CNTN5: variants seen among roughly 807,000 people sequenced by gnomAD.
CNTN5 encodes the protein contactin-5.
Under a neutral mutation model 129.1 loss-of-function variants are expected in CNTN5, and 77 were observed. The observed-to-expected ratio is 0.60, with a 90% CI of 0.50 to 0.72. The LOEUF is 0.72. Ranked by LOEUF, CNTN5 falls within the 30% of genes least tolerant of loss-of-function variation. The pLI, the probability that CNTN5 is intolerant of heterozygous loss-of-function variation, is 0.00. For missense variants in CNTN5, 1,478 were observed against 1,328.8 expected (o/e 1.11, Z -1.75); for synonymous variants, 509 against 465.6 (o/e 1.09, Z -1.20).
chr11:100,344,158 G>T (rs942522032), intron 23 of CNTN5, among the ~76,000 whole-genome samples: 1 of 152,050 alleles, frequency 6.6e-6, no homozygotes, highest in African/African-American at 2.4e-5. Flanking sequence ...AATGCATATT[G>T]TGTGGAGGTT....
chr11:99,737,443 C>G (rs927006305), intron 3 of CNTN5, among the ~76,000 whole-genome samples: 38 of 152,090 alleles, frequency 2.5e-4, no homozygotes, highest in African/African-American at 8.9e-4. Context: ...AAGATTAGAA[C>G]TACATTCCAG....
chr11:99,305,890 A>C (rs974483550), intron 1 of CNTN5, among the ~76,000 whole-genome samples: 1 of 151,972 alleles, frequency 6.6e-6, no homozygotes, highest in African/African-American at 2.4e-5. Flanking sequence ...CTGAGACAGG[A>C]GAATTGCTTG....
intron 7 of CNTN5, among the ~76,000 whole-genome samples, chr11:99,916,920 A>G (rs1342231435): frequency 1.3e-5 from 2 of 152,108 alleles, no homozygotes; most frequent in African/African-American, 4.8e-5. Flanking sequence ...ACAACTGGTA[A>G]CAGAATTGAA....
At chr11:100,260,882 G>T (rs1428744535) in intron 17 of CNTN5, among the ~76,000 whole-genome samples, 1 of 152,128 alleles carries the variant, frequency 6.6e-6, no homozygotes, top group Non-Finnish European at 1.5e-5. Context: ...TTGAAAACTG[G>T]CACAAGACAA....
At chr11:99,026,851 A>AT (rs1259805403) in intron 1 of CNTN5, among the ~76,000 whole-genome samples, 2 of 151,604 alleles carry the variant, frequency 1.3e-5, no homozygotes, top group East Asian at 1.9e-4. Context: ...CATCTTGATT[A>AT]TTTTTGTATC....
intron 13 of CNTN5, among the ~76,000 whole-genome samples, chr11:100,081,592 A>C (rs1944366500): frequency 6.6e-6 from 1 of 152,212 alleles, no homozygotes; most frequent in South Asian, 2.1e-4. Context: ...GAGAGAGGAC[A>C]TAAATCTTAG....
chr11:99,731,346 C>G (rs745430491), intron 3 of CNTN5, among the ~76,000 whole-genome samples: 4 of 152,042 alleles, frequency 2.6e-5, no homozygotes, highest in Non-Finnish European at 5.9e-5. Context: ...CTCCTGACCT[C>G]GTGATCCACC....
intron 9 of CNTN5, among the ~76,000 whole-genome samples, chr11:100,046,846 G>C (rs1334091584): frequency 6.6e-6 from 1 of 152,156 alleles, no homozygotes; most frequent in East Asian, 1.9e-4. Context: ...TTGCAGGAAT[G>C]TGATCCCTCA....
At chr11:99,261,076 A>G (rs914600985) in intron 1 of CNTN5, among the ~76,000 whole-genome samples, 2 of 152,056 alleles carry the variant, frequency 1.3e-5, no homozygotes, top group African/African-American at 4.8e-5. Flanking sequence ...CTACCATGCC[A>G]TTATATTCAA....
chr11:99,887,460 T>A (rs1447573255), intron 6 of CNTN5, among the ~76,000 whole-genome samples: 1 of 152,238 alleles, frequency 6.6e-6, no homozygotes, highest in East Asian at 1.9e-4. Context: ...TGTCCTAGTG[T>A]ATTAGTCAGG....
At chr11:99,515,961 A>C (rs1054861229) in intron 2 of CNTN5, among the ~76,000 whole-genome samples, 4 of 131,174 alleles carry the variant, frequency 3.0e-5, no homozygotes, top group Admixed American at 7.2e-5. Context: ...AAAAAAAAAA[A>C]CAAAATCATA....
chr11:99,513,821 G>A (rs1467196188), intron 2 of CNTN5, among the ~76,000 whole-genome samples: 1 of 152,060 alleles, frequency 6.6e-6, no homozygotes, highest in Admixed American at 6.6e-5. Flanking sequence ...TACAAGGAGA[G>A]TAATGTTATT....
At chr11:100,014,460 T>C (rs1240500777) in intron 9 of CNTN5, among the ~76,000 whole-genome samples, 2 of 152,050 alleles carry the variant, frequency 1.3e-5, no homozygotes, top group Admixed American at 6.6e-5. Context: ...GAGATGTTGT[T>C]GTCCCAGCTA....
At chr11:99,978,439 A>G (rs1469848229) in intron 8 of CNTN5, among the ~76,000 whole-genome samples, 1 of 152,168 alleles carries the variant, frequency 6.6e-6, no homozygotes, top group African/African-American at 2.4e-5. Context: ...CTCACCACTC[A>G]CTCACTGGCT....
intron 2 of CNTN5, among the ~76,000 whole-genome samples, chr11:99,439,775 T>C (rs1242939864): frequency 6.6e-6 from 1 of 150,412 alleles, no homozygotes; most frequent in Non-Finnish European, 1.5e-5. Flanking sequence ...TCTAGATATA[T>C]ATTTATAAGT....
chr11:99,911,820 G>A (rs1422710681), intron 6 of CNTN5, among the ~76,000 whole-genome samples: 1 of 151,352 alleles, frequency 6.6e-6, no homozygotes, highest in Non-Finnish European at 1.5e-5. Flanking sequence ...TTATCTTTAT[G>A]AAGTCTATGA....
intron 16 of CNTN5, among the ~76,000 whole-genome samples, chr11:100,234,749 C>T (rs959172712): frequency 1.1e-4 from 15 of 140,886 alleles, no homozygotes; most frequent in Non-Finnish European, 1.8e-4. Flanking sequence ...ATGTGTATAC[C>T]TATGTAACAA....
At chr11:99,426,551 A>G (rs1943129470) in intron 2 of CNTN5, among the ~76,000 whole-genome samples, 2 of 152,208 alleles carry the variant, frequency 1.3e-5, no homozygotes, top group South Asian at 4.1e-4. Flanking sequence ...TTTTAATTAA[A>G]GAGTGGTTAA....
chr11:99,339,876 A>G (rs1866430302), intron 2 of CNTN5, among the ~76,000 whole-genome samples: 1 of 152,088 alleles, frequency 6.6e-6, no homozygotes, highest in South Asian at 2.1e-4. Flanking sequence ...AAGTGAGATA[A>G]GAGAGCTGGT....
Sources: allele counts gnomAD v4.1 joint callset (sites outside exome capture counted in the v4.1 genomes callset), GRCh38; gene constraint gnomAD v4.1.1; transcripts MANE v1.5; gene names NCBI Gene and HGNC (gene_info 2026-07-23, HGNC 2026-07-21).